The following SCML4 variants were observed in gnomAD, a reference collection of about 807,000 sequenced individuals.
SCML4 encodes Scm polycomb group protein like 4.
In SCML4, 34 loss-of-function variants were observed where a neutral mutation model predicts 41.1. That is an observed-to-expected ratio of 0.83 (90% CI 0.63 to 1.10). The LOEUF (loss-of-function observed/expected upper bound fraction) is 1.10, where lower values mean the gene tolerates loss of function less well. SCML4 is among the 50% of genes least tolerant of loss of function. The pLI is 0.00. For synonymous variants in SCML4, 214 were observed against 220.9 expected (o/e 0.97, Z 0.28); for missense variants, 522 against 534.1 (o/e 0.98, Z 0.22).
chr6:107,772,955 G>A (rs1878778), intron 1 of SCML4, among the ~76,000 whole-genome samples: 146,352 of 152,312 alleles, frequency 0.96, 70,561 homozygotes, highest in Non-Finnish European at 1. Context: ...AACATGATTT[G>A]TTCATTTTCA....
rs569063927 is a variant in SCML4 at position 107,767,866 on chromosome 6, C to A, written c.156+4306G>T. Among the ~76,000 whole-genome samples the A allele has an allele frequency of 5.4e-4, 82 of 152,202 alleles. No homozygotes were observed. In the South Asian group the frequency reaches 7.9e-3, roughly 15 times the overall value. On this transcript the variant is annotated intron_variant, in intron 2 of 7. Transcript: ENST00000369020. ...TGAGCCCTTCAAGGAGACAGGCGTGCCCTCTGCTAGCTCTGTGTTCCCATT... is the reference window on the plus strand; with the variant it reads ...TGAGCCCTTCAAGGAGACAGGCGTGACCTCTGCTAGCTCTGTGTTCCCATT...
At chr6:107,778,222 AATATATATATATATATATATAT>A (rs1163805768) in intron 1 of SCML4, among the ~76,000 whole-genome samples, 72 of 15,492 alleles carry the variant, frequency 4.6e-3, no homozygotes, top group Admixed American at 0.014. Context: ...AAAAAAAAAA[AATATATATATATATATATATAT>A]ATATATATAT....
chr6:107,814,559 T>C (rs761177347), intron 1 of SCML4, among the ~76,000 whole-genome samples: 3 of 152,128 alleles, frequency 2.0e-5, no homozygotes, highest in Non-Finnish European at 4.4e-5. Context: ...TTTTGTTTGT[T>C]TGTTTGTTTT....
chr6:107,820,780 A>G (rs1369896806), intron 1 of SCML4, among the ~76,000 whole-genome samples: 4 of 152,230 alleles, frequency 2.6e-5, no homozygotes, highest in Non-Finnish European at 5.9e-5. Flanking sequence ...AGACTCTAGT[A>G]GAGATTTACA....
chr6:107,713,288 C>T (rs1477686364), intron 6 of SCML4, among the ~76,000 whole-genome samples: 1 of 152,214 alleles, frequency 6.6e-6, no homozygotes, highest in Non-Finnish European at 1.5e-5. Context: ...TAGCAGTGAG[C>T]TGGGAGTCAG....
intron 1 of SCML4, among the ~76,000 whole-genome samples, chr6:107,816,435 G>A: frequency 6.6e-6 from 1 of 152,158 alleles, no homozygotes. Flanking sequence ...CATGATACTT[G>A]CCCTAGGTCA....
intron 4 of SCML4, chr6:107,745,467 C>T: frequency 4.8e-6 from 1 of 206,820 alleles, no homozygotes; most frequent in East Asian, 1.1e-4. Flanking sequence ...CTTTTTTTCT[C>T]ATGATTAGAC....
chr6:107,706,908 C>T (rs1470982369), intron 7 of SCML4, among the ~76,000 whole-genome samples: 2 of 152,120 alleles, frequency 1.3e-5, no homozygotes, highest in East Asian at 3.8e-4. Context: ...CTAGAACCTC[C>T]AGAAGGAAAG....
intron 1 of SCML4, among the ~76,000 whole-genome samples, chr6:107,796,077 G>A (rs2114623508): frequency 6.6e-6 from 1 of 152,292 alleles, no homozygotes; most frequent in African/African-American, 2.4e-5. Context: ...TCATTCACCT[G>A]TTGATGGACT....
intron 5 of SCML4, among the ~76,000 whole-genome samples, chr6:107,724,124 A>G (rs1350040632): frequency 6.6e-6 from 1 of 152,220 alleles, no homozygotes; most frequent in South Asian, 2.1e-4. Context: ...TTATGATAAA[A>G]TCACTCAACA....
chr6:107,818,344 A>G (rs1169960273), intron 1 of SCML4, among the ~76,000 whole-genome samples: 6 of 150,242 alleles, frequency 4.0e-5, no homozygotes, highest in Non-Finnish European at 8.8e-5. Flanking sequence ...CTTGAATCCA[A>G]CAAATGACCA....
chr6:107,741,885 A>G (rs1246762432), intron 5 of SCML4, among the ~76,000 whole-genome samples: 1 of 152,224 alleles, frequency 6.6e-6, no homozygotes, highest in African/African-American at 2.4e-5. Context: ...AGACACATCC[A>G]CAAGAAACAA....
intron 1 of SCML4, among the ~76,000 whole-genome samples, chr6:107,816,696 T>C (rs926042025): frequency 2.0e-5 from 3 of 152,224 alleles, no homozygotes; most frequent in African/African-American, 7.2e-5. Context: ...TTGAAACCCA[T>C]TCAGTCTAAG....
At chr6:107,832,188 G>A in the SCML4 span, among the ~76,000 whole-genome samples, 8 of 152,180 alleles carry the variant, frequency 5.3e-5, no homozygotes, top group African/African-American at 1.9e-4. Flanking sequence ...GCAGTGAGCA[G>A]AGATCATGCC....
chr6:107,732,743 C>T (rs372601298), intron 5 of SCML4, among the ~76,000 whole-genome samples: 5 of 152,100 alleles, frequency 3.3e-5, no homozygotes, highest in Non-Finnish European at 7.4e-5. Context: ...TGAGAATTCC[C>T]GAGAGCTGGG....
At chr6:107,805,998 G>T (rs1268868438) in intron 1 of SCML4, among the ~76,000 whole-genome samples, 1 of 152,180 alleles carries the variant, frequency 6.6e-6, no homozygotes, top group Non-Finnish European at 1.5e-5. Context: ...GCTCAGAGAA[G>T]TGGCTAAGGA....
intron 1 of SCML4, among the ~76,000 whole-genome samples, chr6:107,786,976 C>T (rs1432333071): frequency 6.6e-6 from 1 of 152,146 alleles, no homozygotes; most frequent in Non-Finnish European, 1.5e-5. Context: ...GAGCTAAGGC[C>T]CAGAGAGGCT....
At chr6:107,735,029 C>T (rs77949695) in intron 5 of SCML4, among the ~76,000 whole-genome samples, 4 of 151,984 alleles carry the variant, frequency 2.6e-5, no homozygotes, top group African/African-American at 9.7e-5. Context: ...GCATCCACCA[C>T]CACACCTGGC....
chr6:107,820,558 C>T (rs143020794), intron 1 of SCML4, among the ~76,000 whole-genome samples: 1 of 152,232 alleles, frequency 6.6e-6, no homozygotes, highest in Non-Finnish European at 1.5e-5. Context: ...TTGCCCAAAG[C>T]ACTTCTTCAA....
Sources: allele counts gnomAD v4.1 joint callset (sites outside exome capture counted in the v4.1 genomes callset), GRCh38; gene constraint gnomAD v4.1.1; transcripts MANE v1.5; gene names NCBI Gene and HGNC (gene_info 2026-07-23, HGNC 2026-07-21).